GAB1: variants seen among roughly 807,000 people sequenced by gnomAD.
GAB1 encodes GRB2 associated binding protein 1, also known as GRB2-associated-binding protein 1.
Under a neutral mutation model 66.5 loss-of-function variants are expected in GAB1, and 19 were observed. The observed-to-expected ratio is 0.29, with a 90% CI of 0.20 to 0.42. The LOEUF is 0.42. Among genes scored for constraint, GAB1 ranks in the 10% least tolerant of loss-of-function variants. The pLI is 1.00. For missense variants in GAB1, 732 were observed against 858.5 expected (o/e 0.85, Z 1.84); for synonymous variants, 294 against 301.4 (o/e 0.98, Z 0.25).
At chr4:143,337,980 T>C (rs907618010) in intron 1 of GAB1, among the ~76,000 whole-genome samples, 1 of 152,164 alleles carries the variant, frequency 6.6e-6, no homozygotes, top group Non-Finnish European at 1.5e-5. Flanking sequence ...TTGGATGTGC[T>C]GTCAAACTCG....
intron 1 of GAB1, among the ~76,000 whole-genome samples, chr4:143,339,719 T>C (rs115641850): frequency 1.0e-3 from 154 of 152,256 alleles, no homozygotes; most frequent in African/African-American, 3.5e-3. Context: ...TGCAAAGTGG[T>C]ATATGACTGT....
At chr4:143,433,814 A>G in intron 3 of GAB1, 98 bp downstream of exon 3, 1 of 957,086 alleles carries the variant, frequency 1.0e-6, no homozygotes. Context: ...TTCGATTTGC[A>G]GGCTTGAAAG....
chr4:143,348,599 T>G (rs1167631627), intron 1 of GAB1, among the ~76,000 whole-genome samples: 1 of 152,222 alleles, frequency 6.6e-6, no homozygotes, highest in Non-Finnish European at 1.5e-5. Flanking sequence ...CTCTGCCTCC[T>G]CTTGGGCCCC....
At position 143,336,891 on chromosome 4, in the gene GAB1, C is replaced by T; in HGVS notation, c.-298C>T. The T allele has an allele frequency of 2.3e-6, 1 of 434,666 alleles. No homozygotes were observed. Among genetic ancestry groups the T allele is most frequent in the Non-Finnish European group, 4.1e-6 (1 of 242,450 alleles). 26.9% of individuals were successfully genotyped at this position (434,666 alleles called of 1,614,324 possible). On this transcript the variant is annotated 5_prime_UTR_variant, in exon 1 of 10. Transcript: ENST00000262994. ...GAGTCGGGGCAGAGTCCCGCTGAGT[C>T]CGAGCGCTGCTGAGGCAGCTGGCGA...
intron 1 of GAB1, 75 bp downstream of exon 1, chr4:143,337,335 C>A: frequency 8.0e-7 from 1 of 1,257,582 alleles, no homozygotes; most frequent in Non-Finnish European, 1.1e-6. Context: ...CCGGCGGCTG[C>A]AGCTGGCCGC....
chr4:143,346,745 T>G (rs537268042), intron 1 of GAB1, among the ~76,000 whole-genome samples: 8 of 152,198 alleles, frequency 5.3e-5, no homozygotes, highest in Non-Finnish European at 1.2e-4. Flanking sequence ...TTTAAATGTT[T>G]GAAGTGTTGA....
intron 1 of GAB1, among the ~76,000 whole-genome samples, chr4:143,396,359 C>G (rs1731455335): frequency 6.6e-6 from 1 of 152,212 alleles, no homozygotes; most frequent in Middle Eastern, 3.4e-3. Flanking sequence ...TGTTATAAAC[C>G]TTGAAAATGT....
Position 143,469,272 on chromosome 4 carries a change from C to G in GAB1, c.*83C>G, listed in dbSNP as rs1735967309. The G allele has an allele frequency of 5.1e-6, 7 of 1,379,720 alleles. No individual in the cohort carries two copies. The highest frequency in any genetic ancestry group is 1.4e-5 in the African/African-American group (1 of 69,364). The allele number at this position is 1,379,720 out of a possible 1,614,324, so 85.5% of individuals were successfully genotyped here. ...TTTGAAGAATGACTTGACACTTCCA[C>G]TCTAGGTAGATCCTCAAATGAGTAG... is the stretch of plus-strand genomic sequence containing the variant. On this transcript the variant is annotated 3_prime_UTR_variant, in exon 10 of 10. Transcript: ENST00000262994.
At chr4:143,416,625 T>G (rs1732706151) in intron 2 of GAB1, among the ~76,000 whole-genome samples, 1 of 151,598 alleles carries the variant, frequency 6.6e-6, no homozygotes, top group Admixed American at 6.6e-5. Context: ...AATACAAAAA[T>G]TATCCAGGCA....
chr4:143,340,579 C>T lies in GAB1; in HGVS notation c.72+3319C>T, dbSNP rs1002569129. On this transcript the variant is annotated intron_variant, in intron 1 of 9. Transcript: ENST00000262994. ...AGACTGGAGTGCAGTGGCACTATCT[C>T]GGCTCACTGCAACCTCTGCCTCCCA... Among the ~76,000 whole-genome samples the T allele has an allele frequency of 3.3e-5, 5 of 152,072 alleles. No homozygotes were observed. The East Asian group carries it at 7.7e-4, about 23-fold the overall frequency.
At chr4:143,468,192 A>C (rs1735892795) in intron 9 of GAB1, among the ~76,000 whole-genome samples, 1 of 149,592 alleles carries the variant, frequency 6.7e-6, no homozygotes, top group Non-Finnish European at 1.5e-5. Context: ...CTGTCATGGA[A>C]GCATTAGTTT....
rs911114105 is a variant in GAB1 at position 143,381,599 on chromosome 4, C to A, written c.73-33878C>A. Among the ~76,000 whole-genome samples the A allele has an allele frequency of 2.6e-5, 4 of 152,256 alleles. No homozygotes were observed. The South Asian group carries it at 8.3e-4, about 32-fold the overall frequency. ...AATTGGGTCGTTGGAGATCAAGTAC[C>A]TTAATTGATATAAAGTGCTTAGAAC... On this transcript the variant is annotated intron_variant, in intron 1 of 9. Coordinates refer to ENST00000262994, the MANE Select transcript of GAB1 (RefSeq NM_002039.4).
intron 6 of GAB1, among the ~76,000 whole-genome samples, chr4:143,441,464 CT>C (rs1734226718): frequency 1.3e-5 from 2 of 152,038 alleles, no homozygotes; most frequent in Admixed American, 6.6e-5. Flanking sequence ...TAATTAAGTC[CT>C]AGTTGTGAGG....
rs577730304 is a variant in GAB1, at chr4:143,418,698, A to G, written c.367+2927A>G. On this transcript the variant is annotated intron_variant, in intron 2 of 9. Transcript: ENST00000262994. ...TCCACCTCTCTTACTTTTTTTTACA[A>G]TGCTCCTAAATATATTTACAAAGGA... is the stretch of plus-strand genomic sequence containing the variant. Among the ~76,000 whole-genome samples the G allele has an allele frequency of 5.9e-5, 9 of 152,224 alleles. No homozygotes were observed. The South Asian group carries it at 1.5e-3, about 25-fold the overall frequency.
intron 2 of GAB1, among the ~76,000 whole-genome samples, chr4:143,419,114 G>A (rs979225293): frequency 6.6e-6 from 1 of 152,030 alleles, no homozygotes; most frequent in South Asian, 2.1e-4. Flanking sequence ...AGCATCTAAT[G>A]GGAGAGGAGT....
chr4:143,344,545 T>C (rs1728929740), intron 1 of GAB1, among the ~76,000 whole-genome samples: 1 of 152,220 alleles, frequency 6.6e-6, no homozygotes, highest in South Asian at 2.1e-4. Context: ...GCATTCTTTC[T>C]TTTTTATATT....
chr4:143,361,710 G>A (rs1425888374), intron 1 of GAB1, among the ~76,000 whole-genome samples: 4 of 152,000 alleles, frequency 2.6e-5, no homozygotes, highest in East Asian at 3.9e-4. Context: ...TGCCACCACC[G>A]CTGCCTTTGG....
chr4:143,386,185 AAT>A (rs1730900692), intron 1 of GAB1, among the ~76,000 whole-genome samples: 1 of 152,152 alleles, frequency 6.6e-6, no homozygotes, highest in South Asian at 2.1e-4. Flanking sequence ...TTTGTTTATA[AAT>A]TACCTGCTTT....
At chr4:143,340,551 C>G (rs1193878378) in intron 1 of GAB1, among the ~76,000 whole-genome samples, 1 of 152,026 alleles carries the variant, frequency 6.6e-6, no homozygotes, top group African/African-American at 2.4e-5. Flanking sequence ...TGCTCTGTCA[C>G]CCAGACTGGA....
Sources: allele counts gnomAD v4.1 joint callset (sites outside exome capture counted in the v4.1 genomes callset), GRCh38; gene constraint gnomAD v4.1.1; transcripts MANE v1.5; gene names NCBI Gene and HGNC (gene_info 2026-07-23, HGNC 2026-07-21).